NLGN4X: variants seen among roughly 807,000 people sequenced by gnomAD.
NLGN4X encodes the protein neuroligin 4 X-linked.
Under a neutral mutation model 40.3 loss-of-function variants are expected in NLGN4X, and 3 were observed. The observed-to-expected ratio is 0.07, with a 90% confidence interval of 0.03 to 0.19. NLGN4X has a LOEUF of 0.19. NLGN4X is among the 10% of genes least tolerant of loss of function. The pLI, the probability that NLGN4X is intolerant of heterozygous loss-of-function variation, is 1.00. For missense variants in NLGN4X, 382 were observed against 708.3 expected (o/e 0.54, Z 5.23); for synonymous variants, 270 against 306.8 (o/e 0.88, Z 1.25).
intron 1 of NLGN4X, among the ~76,000 whole-genome samples, chrX:6,212,044 G>A (rs1370946181): frequency 1.8e-5 from 2 of 110,460 alleles, no homozygotes; most frequent in Non-Finnish European, 3.8e-5. Flanking sequence ...TCAGGAGTTC[G>A]AGACCAGCCT....
intron 3 of NLGN4X, among the ~76,000 whole-genome samples, chrX:5,953,133 G>C (rs948179036): frequency 4.5e-5 from 5 of 111,026 alleles, no homozygotes; most frequent in African/African-American, 1.6e-4. Context: ...CACTGTGGGA[G>C]GACAAGGCAG....
At chrX:6,207,449 T>C (rs893879050) in intron 1 of NLGN4X, among the ~76,000 whole-genome samples, 2 of 112,467 alleles carry the variant, frequency 1.8e-5, no homozygotes, top group Non-Finnish European at 3.7e-5. Flanking sequence ...TTAGTTGGAA[T>C]ATTTTAACCA....
intron 2 of NLGN4X, among the ~76,000 whole-genome samples, chrX:6,036,608 G>GCACACACACACACACACA (rs202140186): frequency 1.3e-5 from 1 of 75,640 alleles, no homozygotes; most frequent in Non-Finnish European, 2.6e-5. Context: ...CTTGTGGCTG[G>GCACACACACACACACACA]CGCACACACA....
intron 2 of NLGN4X, among the ~76,000 whole-genome samples, chrX:6,131,342 C>T (rs753436512): frequency 3.6e-5 from 4 of 111,958 alleles, no homozygotes; most frequent in Non-Finnish European, 7.5e-5. Context: ...CAATGGTCAG[C>T]TTGTTCCCTA....
intron 2 of NLGN4X, among the ~76,000 whole-genome samples, chrX:6,097,293 G>A (rs2038803759): frequency 9.3e-6 from 1 of 106,959 alleles, no homozygotes; most frequent in Non-Finnish European, 1.9e-5. Context: ...TATTCACACA[G>A]TGTACATATT....
intron 3 of NLGN4X, among the ~76,000 whole-genome samples, chrX:6,004,532 A>G (rs1225314916): frequency 8.9e-6 from 1 of 112,234 alleles, no homozygotes; most frequent in East Asian, 2.8e-4. Flanking sequence ...AAATAGTACA[A>G]GTTATAGAGA....
At position 6,043,128 on chromosome X, in the gene NLGN4X, C is replaced by G. The variant is rs765703292; in HGVS notation, c.473-13696G>C. 3.6e-4 allele frequency among the ~76,000 whole-genome samples: 24 copies of G among 66,260 alleles called. 1 individual carries two copies. The highest frequency in any genetic ancestry group is 5.6e-4 in the Non-Finnish European group (19 of 33,907). 57.5% of individuals were successfully genotyped at this position (66,260 alleles called of 115,157 possible). ...AACAAAACCTAATAACTTCTATGCA[C>G]GCGCATACACACACACACACACACA... On this transcript the variant is annotated intron_variant, in intron 2 of 5. Coordinates refer to ENST00000381095, the MANE Select transcript of NLGN4X (RefSeq NM_181332.3).
At chrX:5,978,031 T>C (rs2035228202) in intron 3 of NLGN4X, among the ~76,000 whole-genome samples, 1 of 112,406 alleles carries the variant, frequency 8.9e-6, no homozygotes, top group African/African-American at 3.2e-5. Flanking sequence ...GCTTTCAACA[T>C]GTCTGTGGAC....
At chrX:5,954,634 GTCTC>G (rs200878268) in intron 3 of NLGN4X, among the ~76,000 whole-genome samples, 1,697 of 94,642 alleles carry the variant, frequency 0.018, 36 homozygotes, top group African/African-American at 0.044. Context: ...CTCTGTCTCT[GTCTC>G]TCTCTCTCTC....
rs1270495452 is a variant in NLGN4X at position 5,903,583 on chromosome X, G to A, written c.1095C>T (p.Tyr365=). ...CTTGGTTGACGCCCAGCATGATGTC[G>A]TAGTTGAGGAACTCGCCTTGCTCCA... ...ILMEQGEFLN[Y]DIMLGVNQGE... Residue 365 remains tyrosine, a synonymous_variant, in exon 5 of 6, where the codon TAC becomes TAT. Coordinates refer to ENST00000381095, the MANE Select transcript of NLGN4X (RefSeq NM_181332.3). The A allele has an allele frequency of 1.2e-5, 15 of 1,211,276 alleles. No homozygotes were observed. Among genetic ancestry groups the A allele is most frequent in the South Asian group, 5.3e-5 (3 of 56,884 alleles).
intron 1 of NLGN4X, among the ~76,000 whole-genome samples, chrX:6,191,775 C>G (rs1460086593): frequency 1.8e-5 from 2 of 111,518 alleles, no homozygotes; most frequent in African/African-American, 6.5e-5. Flanking sequence ...AGGAGAATCA[C>G]TTGAACCTGG....
At chrX:6,014,276 T>C (rs985433170) in intron 3 of NLGN4X, among the ~76,000 whole-genome samples, 3 of 111,826 alleles carry the variant, frequency 2.7e-5, no homozygotes, top group Admixed American at 1.9e-4. Flanking sequence ...TTTTTGTTTG[T>C]TTGTTTTTTA....
intron 2 of NLGN4X, among the ~76,000 whole-genome samples, chrX:6,086,721 T>G (rs2038505610): frequency 9.0e-6 from 1 of 111,557 alleles, no homozygotes; most frequent in Non-Finnish European, 1.9e-5. Context: ...AGCCTCAAAC[T>G]CATGGGCTCA....
chrX:6,028,958 T>C (rs1004686982), intron 3 of NLGN4X, among the ~76,000 whole-genome samples: 2 of 112,196 alleles, frequency 1.8e-5, no homozygotes, highest in Admixed American at 1.9e-4. Flanking sequence ...AACTATAATA[T>C]CACCAAATAT....
At chrX:6,201,323 C>A (rs1433136621) in intron 1 of NLGN4X, among the ~76,000 whole-genome samples, 1 of 111,850 alleles carries the variant, frequency 8.9e-6, no homozygotes, top group Non-Finnish European at 1.9e-5. Context: ...TGCAGTGATT[C>A]CTATCCATAC....
At chrX:6,070,678 C>T (rs760971119) in intron 2 of NLGN4X, among the ~76,000 whole-genome samples, 7 of 111,940 alleles carry the variant, frequency 6.3e-5, no homozygotes, top group Non-Finnish European at 1.3e-4. Flanking sequence ...AATAAATACC[C>T]GAGACTGGGT....
chrX:6,054,083 A>C (rs1200257733), intron 2 of NLGN4X, among the ~76,000 whole-genome samples: 1 of 112,385 alleles, frequency 8.9e-6, no homozygotes, highest in South Asian at 3.7e-4. Context: ...GCTATCCCCA[A>C]GTGAAATCAT....
intron 3 of NLGN4X, among the ~76,000 whole-genome samples, chrX:5,932,107 AT>A (rs1224430115): frequency 1.8e-5 from 2 of 111,171 alleles, no homozygotes; most frequent in East Asian, 5.7e-4. Context: ...CCAGTCACTT[AT>A]GGCCACTATG....
intron 1 of NLGN4X, among the ~76,000 whole-genome samples, chrX:6,214,055 T>A (rs1924852057): frequency 3.6e-5 from 4 of 111,840 alleles, no homozygotes; most frequent in Admixed American, 2.9e-4. Context: ...TGACAAACCA[T>A]AATTAATTCT....
Sources: allele counts gnomAD v4.1 joint callset (sites outside exome capture counted in the v4.1 genomes callset), GRCh38; gene constraint gnomAD v4.1.1; transcripts MANE v1.5; gene names NCBI Gene and HGNC (gene_info 2026-07-23, HGNC 2026-07-21).